The following RNF150 variants were observed in gnomAD, a reference collection of about 807,000 sequenced individuals.
The protein encoded by RNF150 is ring finger protein 150.
Under a neutral mutation model 39.3 loss-of-function variants are expected in RNF150, and 24 were observed. The observed-to-expected ratio is 0.61, with a 90% CI of 0.44 to 0.86. The LOEUF (loss-of-function observed/expected upper bound fraction) is 0.86. RNF150 is among the 40% of genes least tolerant of loss of function. The pLI, the probability that RNF150 is intolerant of heterozygous loss-of-function variation, is 0.00. For synonymous variants in RNF150, 255 were observed against 227.3 expected (o/e 1.12, Z -1.10); for missense variants, 502 against 587.8 (o/e 0.85, Z 1.51).
intron 1 of RNF150, among the ~76,000 whole-genome samples, chr4:141,060,783 A>G (rs2110917880): frequency 6.6e-6 from 1 of 152,340 alleles, no homozygotes; most frequent in East Asian, 1.9e-4. Flanking sequence ...AATGTGGCAC[A>G]TATACACCAT....
chr4:141,060,998 G>T (rs57546835), intron 1 of RNF150, among the ~76,000 whole-genome samples: 7,541 of 152,142 alleles, frequency 0.05, 588 homozygotes, highest in African/African-American at 0.17. Flanking sequence ...CGGGGTCGGG[G>T]GCTAGGGAAG....
chr4:140,949,658 T>C lies in RNF150; in HGVS notation c.736-286A>G, dbSNP rs141269160. Reference sequence around the variant, plus strand: ...TGCCCTACAGTTCTACAGTGCAGGTTATATGTGCATACACTACCCCCCCCC... The same window carrying C: ...TGCCCTACAGTTCTACAGTGCAGGTCATATGTGCATACACTACCCCCCCCC... On this transcript the variant is annotated intron_variant, in intron 2 of 6. Coordinates refer to ENST00000515673, the MANE Select transcript of RNF150 (RefSeq NM_020724.2). 2.3e-3 allele frequency among the ~76,000 whole-genome samples: 340 copies of C among 144,956 alleles called. 2 individuals carry two copies. The highest frequency in any genetic ancestry group is 4.1e-3 in the Non-Finnish European group (274 of 66,342).
chr4:141,061,239 A>G (rs1737213692), intron 1 of RNF150, among the ~76,000 whole-genome samples: 1 of 152,194 alleles, frequency 6.6e-6, no homozygotes, highest in Non-Finnish European at 1.5e-5. Flanking sequence ...ACATTCGCAG[A>G]AGATTCCATG....
In RNF150 at chr4:141,132,948, G is replaced by C; in HGVS notation, c.-140C>G. 1 of 634,418 alleles carries C rather than the reference G, an allele frequency of 1.6e-6. No individual in the cohort carries two copies. The highest frequency in any genetic ancestry group is 2.1e-5 in the South Asian group (1 of 47,152). The allele number at this position is 634,418 out of a possible 1,614,324, so 39.3% of individuals were successfully genotyped here. On this transcript the variant is annotated 5_prime_UTR_variant, in exon 1 of 7. Transcript: ENST00000515673. This position sits in a 1 kb window ranked among gnomAD's most constrained non-coding sequence, Gnocchi z 4.9. ...GGGCCGGAGGGGCCGCGGCCGGGAC[G>C]CGCAGCCGCCGCGGGGACCGGATTC...
chr4:141,077,497 G>A (rs78876857), intron 1 of RNF150, among the ~76,000 whole-genome samples: 2,735 of 152,084 alleles, frequency 0.018, 95 homozygotes, highest in African/African-American at 0.061. Flanking sequence ...AAAACTCATC[G>A]GCCTGTACAA....
chr4:141,067,272 C>A (rs1438204915), intron 1 of RNF150, among the ~76,000 whole-genome samples: 1 of 152,162 alleles, frequency 6.6e-6, no homozygotes, highest in Non-Finnish European at 1.5e-5. Context: ...TACCATTTTG[C>A]AAGAATGTGA....
chr4:141,000,587 T>G (rs1734628747), intron 1 of RNF150, among the ~76,000 whole-genome samples: 1 of 152,256 alleles, frequency 6.6e-6, no homozygotes, highest in Admixed American at 6.5e-5. Context: ...TGACATTTTA[T>G]GTCAAAATCA....
Position 141,066,042 on chromosome 4 carries a change from A to C in RNF150, c.484+66283T>G, listed in dbSNP as rs545765861. Among the ~76,000 whole-genome samples, 11 of 151,968 alleles carry C rather than the reference A, an allele frequency of 7.2e-5. No homozygotes were observed. The South Asian group carries it at 2.3e-3, about 32-fold the overall frequency. ...TTCACATCCCCGGACCTTTCATTCTACTTGTCTTCTAACCCTTCGCCCTCA... is the reference window on the plus strand; with the variant it reads ...TTCACATCCCCGGACCTTTCATTCTCCTTGTCTTCTAACCCTTCGCCCTCA... On this transcript the variant is annotated intron_variant, in intron 1 of 6. Transcript: ENST00000515673.
intron 1 of RNF150, among the ~76,000 whole-genome samples, chr4:141,206,603 C>T (rs905403290): frequency 5.9e-5 from 9 of 151,760 alleles, no homozygotes; most frequent in Non-Finnish European, 1.0e-4. Flanking sequence ...GAATGCCCCC[C>T]CAGTTGTGTG....
chr4:140,927,240 C>T (rs1256965888), intron 4 of RNF150, among the ~76,000 whole-genome samples: 1 of 152,170 alleles, frequency 6.6e-6, no homozygotes, highest in Non-Finnish European at 1.5e-5. Context: ...GAAAAAAGGA[C>T]TGTAGCAACA....
At chr4:140,901,463 G>C (rs1318983491) in intron 6 of RNF150, among the ~76,000 whole-genome samples, 1 of 152,092 alleles carries the variant, frequency 6.6e-6, no homozygotes, top group Non-Finnish European at 1.5e-5. Flanking sequence ...TAGTGCCTTG[G>C]TCCAGGCTGA....
At chr4:141,181,524 C>A (rs1578784311) in intron 1 of RNF150, among the ~76,000 whole-genome samples, 1 of 152,194 alleles carries the variant, frequency 6.6e-6, no homozygotes, top group Admixed American at 6.5e-5. Context: ...AAATACCCTG[C>A]AGCTCTGCTT....
At chr4:140,979,898 T>C (rs1733799522) in intron 1 of RNF150, among the ~76,000 whole-genome samples, 1 of 152,154 alleles carries the variant, frequency 6.6e-6, no homozygotes, top group Non-Finnish European at 1.5e-5. Context: ...AATGGTTCAA[T>C]TCATATTACT....
intron 1 of RNF150, among the ~76,000 whole-genome samples, chr4:140,969,613 T>A (rs1340168211): frequency 1.3e-5 from 2 of 152,042 alleles, no homozygotes; most frequent in East Asian, 3.9e-4. Flanking sequence ...AATGGTAGAA[T>A]AATAATTTTT....
At chr4:141,141,026 A>G (rs1426148514) in intron 1 of RNF150, among the ~76,000 whole-genome samples, 5 of 152,190 alleles carry the variant, frequency 3.3e-5, no homozygotes, top group Admixed American at 3.3e-4. Flanking sequence ...ACTAATTCCT[A>G]AATATCCACT....
At chr4:141,116,127 C>T (rs779948073) in intron 1 of RNF150, among the ~76,000 whole-genome samples, 2 of 152,022 alleles carry the variant, frequency 1.3e-5, no homozygotes, top group Non-Finnish European at 2.9e-5. Flanking sequence ...GCAACAAAAG[C>T]CAAAATTGAC....
intron 1 of RNF150, among the ~76,000 whole-genome samples, chr4:140,999,995 A>G (rs1291585633): frequency 5.2e-5 from 2 of 38,488 alleles, no homozygotes; most frequent in East Asian, 4.6e-4. Flanking sequence ...AAAGAAGAAA[A>G]GAAGAAGAAG....
chr4:141,125,207 G>A (rs1045613898), intron 1 of RNF150, among the ~76,000 whole-genome samples: 4 of 152,072 alleles, frequency 2.6e-5, no homozygotes, highest in Non-Finnish European at 5.9e-5. Flanking sequence ...ACATTAAACA[G>A]CCTAGCAATG....
chr4:140,980,003 A>G (rs1733802587), intron 1 of RNF150, among the ~76,000 whole-genome samples: 1 of 152,104 alleles, frequency 6.6e-6, no homozygotes, highest in South Asian at 2.1e-4. Context: ...TTTGCTTTGA[A>G]CTACTGGGAA....
Sources: allele counts gnomAD v4.1 joint callset (sites outside exome capture counted in the v4.1 genomes callset), GRCh38; gene constraint gnomAD v4.1.1; non-coding constraint Gnocchi (gnomAD v3.1); transcripts MANE v1.5; gene names NCBI Gene and HGNC (gene_info 2026-07-23, HGNC 2026-07-21).